Variants in PBX1 observed in about 807,000 individuals in gnomAD.
The protein encoded by PBX1 is PBX homeobox 1.
PBX1 carries 6 observed loss-of-function variants against 53.4 expected under a neutral mutation model. The observed-to-expected ratio is 0.11, with a 90% CI of 0.06 to 0.22. The LOEUF (loss-of-function observed/expected upper bound fraction) is 0.22. Ranked by LOEUF, PBX1 falls within the 10% of genes least tolerant of loss-of-function variation. The pLI is 1.00. For synonymous variants in PBX1, 204 were observed against 212.3 expected (o/e 0.96, Z 0.34); for missense variants, 251 against 551.4 (o/e 0.46, Z 5.46).
intron 8 of PBX1, among the ~76,000 whole-genome samples, chr1:164,828,065 A>G (rs1351839066): frequency 1.3e-5 from 2 of 152,182 alleles, no homozygotes; most frequent in Non-Finnish European, 2.9e-5. Flanking sequence ...GAAGGGGGGA[A>G]TTTAGGACCA....
At chr1:164,601,050 C>T (rs1166672345) in intron 2 of PBX1, among the ~76,000 whole-genome samples, 1 of 151,820 alleles carries the variant, frequency 6.6e-6, no homozygotes, top group East Asian at 1.9e-4. Context: ...ACCAGCCTAA[C>T]CAGTGTGGTG....
intron 3 of PBX1, among the ~76,000 whole-genome samples, chr1:164,796,905 C>G (rs938655526): frequency 6.6e-6 from 1 of 152,190 alleles, no homozygotes; most frequent in Non-Finnish European, 1.5e-5. Flanking sequence ...ATTGTGAGTG[C>G]CTGTCCTATC....
intron 2 of PBX1, among the ~76,000 whole-genome samples, chr1:164,692,177 C>T (rs556152898): frequency 2.6e-5 from 4 of 152,138 alleles, no homozygotes; most frequent in Non-Finnish European, 2.9e-5. Context: ...ACAAAGTGTA[C>T]GTAGACAGCT....
intron 2 of PBX1, among the ~76,000 whole-genome samples, chr1:164,749,313 TTTA>T (rs1392652945): frequency 6.6e-6 from 1 of 152,228 alleles, no homozygotes; most frequent in South Asian, 2.1e-4. Flanking sequence ...TTTCTGTTAC[TTTA>T]TTACTTTTTA....
chr1:164,733,338 G>A (rs1449831376), intron 2 of PBX1, among the ~76,000 whole-genome samples: 1 of 152,094 alleles, frequency 6.6e-6, no homozygotes, highest in East Asian at 1.9e-4. Context: ...AACACAATGG[G>A]TCCCTCCTGC....
intron 2 of PBX1, among the ~76,000 whole-genome samples, chr1:164,637,065 C>T (rs1349107659): frequency 6.6e-6 from 1 of 152,072 alleles, no homozygotes; most frequent in East Asian, 1.9e-4. Flanking sequence ...GGAAACTGAC[C>T]TCGTTAATTT....
intron 2 of PBX1, among the ~76,000 whole-genome samples, chr1:164,740,635 G>C (rs1213018231): frequency 1.3e-5 from 2 of 152,142 alleles, no homozygotes; most frequent in African/African-American, 4.8e-5. Context: ...TATTGTGTTA[G>C]GTGTTTGGGA....
chr1:164,605,800 C>T (rs749094773), intron 2 of PBX1, among the ~76,000 whole-genome samples: 17 of 152,296 alleles, frequency 1.1e-4, no homozygotes, highest in Admixed American at 2.0e-4. Context: ...AAGTAAACAA[C>T]ATCTATTTGC....
At chr1:164,588,406 T>A (rs1655100578) in intron 2 of PBX1, among the ~76,000 whole-genome samples, 1 of 147,090 alleles carries the variant, frequency 6.8e-6, no homozygotes, top group Non-Finnish European at 1.5e-5. Context: ...TGCCAGCCAG[T>A]ATATGTAAGT....
Position 164,849,507 on chromosome 1 carries a change from C to T in PBX1, c.*2831C>T, listed in dbSNP as rs1173173856. 18 of 1,478,650 alleles carry T rather than the reference C, an allele frequency of 1.2e-5. No individual in the cohort carries two copies. The highest frequency in any genetic ancestry group is 1.6e-5 in the Non-Finnish European group (18 of 1,101,580). The allele number at this position is 1,478,650 out of a possible 1,614,324, so 91.6% of individuals were successfully genotyped here. ...AGCTTCCTGGGAATTCACATGAGGC[C>T]AGTCCTACAGAGAGCAAGATGCACC... is the stretch of plus-strand genomic sequence containing the variant. On this transcript the variant is annotated 3_prime_UTR_variant, in exon 9 of 9. Transcript: ENST00000420696.
chr1:164,675,879 G>A (rs1288857499), intron 2 of PBX1, among the ~76,000 whole-genome samples: 2 of 152,162 alleles, frequency 1.3e-5, no homozygotes, highest in East Asian at 3.9e-4. Context: ...GCATGCCCGT[G>A]TTCTGTGTGG....
chr1:164,605,688 G>A (rs1452521573), intron 2 of PBX1, among the ~76,000 whole-genome samples: 1 of 152,318 alleles, frequency 6.6e-6, no homozygotes, highest in African/African-American at 2.4e-5. Context: ...ATACATACAT[G>A]TTGAGCATTT....
intron 2 of PBX1, chr1:164,630,936 C>T (rs1268564129): frequency 6.6e-6 from 1 of 152,206 alleles, no homozygotes; most frequent in Non-Finnish European, 1.5e-5. Flanking sequence ...CTAGCTTCAT[C>T]AGCTCCAGCA....
At chr1:164,673,889 A>G (rs767235756) in intron 2 of PBX1, among the ~76,000 whole-genome samples, 11 of 152,134 alleles carry the variant, frequency 7.2e-5, no homozygotes, top group African/African-American at 2.7e-4. Flanking sequence ...GTCCTCTGCT[A>G]CAAAAGCACA....
At chr1:164,729,531 G>A (rs563041562) in intron 2 of PBX1, among the ~76,000 whole-genome samples, 1 of 152,242 alleles carries the variant, frequency 6.6e-6, no homozygotes, top group South Asian at 2.1e-4. Flanking sequence ...CTAATAGGAA[G>A]CACTTATTTG....
At chr1:164,776,190 G>A (rs539892298) in intron 2 of PBX1, among the ~76,000 whole-genome samples, 15 of 152,172 alleles carry the variant, frequency 9.9e-5, no homozygotes, top group South Asian at 6.2e-4. Context: ...TTGAATGCGC[G>A]GTATAAATTG....
At position 164,736,127 on chromosome 1, in the gene PBX1, C is replaced by T. The variant is rs535343867; in HGVS notation, c.266-56367C>T. On this transcript the variant is annotated intron_variant, in intron 2 of 8. Coordinates refer to ENST00000420696, the MANE Select transcript of PBX1 (RefSeq NM_002585.4). ...AGCTATTGAAGGCCTGAAAGTGCCC[C>T]ATCCAGCCTCTTCCCACTGCAGCCC... Among the ~76,000 whole-genome samples the T allele has an allele frequency of 2.0e-5, 3 of 152,314 alleles. No homozygotes were observed. The East Asian group carries it at 5.8e-4, about 29-fold the overall frequency.
intron 2 of PBX1, among the ~76,000 whole-genome samples, chr1:164,876,916 G>A (rs909933469): frequency 2.0e-5 from 3 of 152,068 alleles, no homozygotes; most frequent in African/African-American, 7.2e-5. Flanking sequence ...GCCCCCTGCC[G>A]TGCACCTAAC....
At chr1:164,638,434 T>C (rs950945997) in intron 2 of PBX1, among the ~76,000 whole-genome samples, 1 of 152,252 alleles carries the variant, frequency 6.6e-6, no homozygotes, top group Non-Finnish European at 1.5e-5. Flanking sequence ...TTGAAGATAT[T>C]GTGCACTGGC....
Sources: allele counts gnomAD v4.1 joint callset (sites outside exome capture counted in the v4.1 genomes callset), GRCh38; gene constraint gnomAD v4.1.1; transcripts MANE v1.5; gene names NCBI Gene and HGNC (gene_info 2026-07-23, HGNC 2026-07-21).